MXRA7: variants seen among roughly 807,000 people sequenced by gnomAD.
MXRA7 encodes matrix remodeling associated 7.
In MXRA7, 18 loss-of-function variants were observed where a neutral mutation model predicts 17.4. The ratio of observed to expected loss-of-function variants is 1.03; its 90% CI spans 0.71 to 1.53. The LOEUF (loss-of-function observed/expected upper bound fraction) is 1.53, where lower values mean the gene tolerates loss of function less well. Ranked by LOEUF, MXRA7 falls within the 40% of genes most tolerant of loss-of-function variation. The pLI is 0.00. For missense variants in MXRA7, 141 were observed against 209.3 expected (o/e 0.67, Z 2.01); for synonymous variants, 70 against 101.7 (o/e 0.69, Z 1.87).
intron 1 of MXRA7, among the ~76,000 whole-genome samples, chr17:76,705,301 C>T (rs1393106741): frequency 2.0e-5 from 3 of 152,116 alleles, no homozygotes; most frequent in African/African-American, 7.2e-5. Flanking sequence ...CAAAAAAATA[C>T]CCACTGGAAC....
At chr17:76,674,978 G>A (rs1161981773), downstream of MXRA7, 1 of 152,248 alleles carries the variant, frequency 6.6e-6, no homozygotes, top group Non-Finnish European at 1.5e-5. Context: ...GAGGAAGACT[G>A]AGCTAAGAGA....
downstream of MXRA7, chr17:76,677,679 G>A (rs2076252039): frequency 1.2e-6 from 2 of 1,613,802 alleles, no homozygotes; most frequent in Admixed American, 3.3e-5. Flanking sequence ...CTTGAAGATG[G>A]CAGCCAGCTG....
chr17:76,685,008 G>A (rs1054707924), intron 3 of MXRA7, 64 bp downstream of exon 3: 2 of 1,361,176 alleles, frequency 1.5e-6, no homozygotes, highest in Non-Finnish European at 2.1e-6. Context: ...AACATGAAGG[G>A]CTCAGAGGGG....
chr17:76,704,272 C>G (rs1220229448), intron 1 of MXRA7, among the ~76,000 whole-genome samples: 1 of 124,542 alleles, frequency 8.0e-6, no homozygotes, highest in Non-Finnish European at 1.6e-5. Flanking sequence ...GTGGTGCGAT[C>G]TCAGCTCACT....
chr17:76,694,415 A>G (rs1316494540), intron 1 of MXRA7, among the ~76,000 whole-genome samples: 2 of 152,274 alleles, frequency 1.3e-5, no homozygotes, highest in East Asian at 3.9e-4. Flanking sequence ...GCTGAAGTCA[A>G]GGGTTGGATA....
intron 2 of MXRA7, among the ~76,000 whole-genome samples, chr17:76,686,769 C>T (rs1315525435): frequency 6.6e-6 from 1 of 152,172 alleles, no homozygotes; most frequent in Non-Finnish European, 1.5e-5. Context: ...TAATAATTAA[C>T]CTCTGAGGCT....
rs1309731403 is a variant in MXRA7, at chr17:76,710,589, G to T, written c.342+16C>A. The T allele has an allele frequency of 7.7e-7, 1 of 1,303,932 alleles. No individual in the cohort carries two copies. 80.8% of individuals were successfully genotyped at this position (1,303,932 alleles called of 1,614,324 possible). A position where few individuals can be genotyped will look rare whatever the true frequency, so the allele number is the denominator to read the frequency against. ...CCCGGGGGTGGGGAGGGGGCCGCGA[G>T]GGCCCCGGTGCGTACCTGCCTCGCC... On this transcript the variant is annotated intron_variant, in intron 1 of 3. Transcript: ENST00000449428.
intron 1 of MXRA7, among the ~76,000 whole-genome samples, chr17:76,706,663 A>T (rs2143690019): frequency 6.7e-6 from 1 of 148,236 alleles, no homozygotes; most frequent in Non-Finnish European, 1.5e-5. Flanking sequence ...ACTTCAGGGG[A>T]ACCAGGGCCA....
At chr17:76,682,817 T>A (rs1055476477) in intron 3 of MXRA7, among the ~76,000 whole-genome samples, 2 of 152,002 alleles carry the variant, frequency 1.3e-5, no homozygotes, top group Admixed American at 1.3e-4. Flanking sequence ...GGGCACAAAG[T>A]GGTAACTGCA....
At chr17:76,672,584 G>A (rs548226913) in exon 4 of MXRA7, 1 of 152,344 alleles carries the variant, frequency 6.6e-6, no homozygotes, top group East Asian at 1.9e-4. Flanking sequence ...TTTATTTGTA[G>A]TGGCACTGTA....
rs143490925 is a variant in MXRA7 at position 76,682,071 on chromosome 17, G to A, written c.501-1192C>T. ...ACCTGACCGCTTTCTGGCCCCAGGC[G>A]GAAGGAATTTGATCTGTGAGTAGTT... is the stretch of plus-strand genomic sequence containing the variant. On this transcript the variant is annotated intron_variant, in intron 3 of 3. Coordinates refer to ENST00000449428, the MANE Select transcript of MXRA7 (RefSeq NM_198530.4). Among the ~76,000 whole-genome samples the A allele has an allele frequency of 6.2e-4, 95 of 152,332 alleles. No individual in the cohort carries two copies. The East Asian group carries it at 0.018, about 28-fold the overall frequency.
At chr17:76,706,022 C>T (rs1369895820) in intron 1 of MXRA7, among the ~76,000 whole-genome samples, 1 of 151,000 alleles carries the variant, frequency 6.6e-6, no homozygotes, top group Non-Finnish European at 1.5e-5. Context: ...ACCACACTGC[C>T]ATCACGAAGG....
chr17:76,697,657 G>A (rs1414113763), intron 1 of MXRA7, among the ~76,000 whole-genome samples: 1 of 152,196 alleles, frequency 6.6e-6, no homozygotes, highest in Non-Finnish European at 1.5e-5. Flanking sequence ...CAATGGAGGA[G>A]GTGGAGGCGG....
At chr17:76,707,896 A>C (rs969079627) in intron 1 of MXRA7, among the ~76,000 whole-genome samples, 1 of 152,180 alleles carries the variant, frequency 6.6e-6, no homozygotes, top group Non-Finnish European at 1.5e-5. Flanking sequence ...CTTTGCGTGA[A>C]CAGGCCTTGC....
chr17:76,693,476 A>C (rs2076499447), intron 1 of MXRA7, among the ~76,000 whole-genome samples: 1 of 20,860 alleles, frequency 4.8e-5, no homozygotes. Flanking sequence ...GATCTGTCTC[A>C]AAAAAAAAAA....
At chr17:76,698,217 T>C (rs1468481984) in intron 1 of MXRA7, among the ~76,000 whole-genome samples, 1 of 152,130 alleles carries the variant, frequency 6.6e-6, no homozygotes, top group African/African-American at 2.4e-5. Context: ...AGGATGGAGA[T>C]AACAGGAAGG....
In MXRA7 at chr17:76,707,291, C is replaced by CTTTTTTT. The variant is rs56067261; in HGVS notation, c.342+3307_342+3313dup. Among the ~76,000 whole-genome samples, 870 of 96,058 alleles carry CTTTTTTT rather than the reference C, an allele frequency of 9.1e-3. 59 individuals carry two copies. Among genetic ancestry groups the CTTTTTTT allele is most frequent in the East Asian group, 0.035 (92 of 2,648 alleles). 63.0% of individuals were successfully genotyped at this position (96,058 alleles called of 152,430 possible). A position where few individuals can be genotyped will look rare whatever the true frequency, so the allele number is the denominator to read the frequency against. ...CACTGCCTTGCAGGAAGTCCCTACTCTTTTTTTTTTTTTTTTTTTTTTTTT... is the reference window on the plus strand; with the variant it reads ...CACTGCCTTGCAGGAAGTCCCTACTCTTTTTTTTTTTTTTTTTTTTTTTTTTTTTTTT... On this transcript the variant is annotated intron_variant, in intron 1 of 3. Transcript: ENST00000449428.
chr17:76,704,307 G>A (rs1197322323), intron 1 of MXRA7, among the ~76,000 whole-genome samples: 7 of 139,800 alleles, frequency 5.0e-5, no homozygotes, highest in Non-Finnish European at 1.1e-4. Flanking sequence ...CCGGGTTCAC[G>A]CCATCCTCCT....
chr17:76,690,916 G>A (rs1329568029), intron 1 of MXRA7, among the ~76,000 whole-genome samples: 1 of 152,090 alleles, frequency 6.6e-6, no homozygotes, highest in African/African-American at 2.4e-5. Flanking sequence ...TAAGTTACAG[G>A]GGTGCTAGCA....
Sources: gnomAD v4.1 joint callset for allele counts (sites outside exome capture counted in the v4.1 genomes callset) on GRCh38, gnomAD v4.1.1 for gene constraint, MANE v1.5 for transcripts, NCBI Gene and HGNC (gene_info 2026-07-23, HGNC 2026-07-21) for gene names.